SLC24A2: variants seen among roughly 807,000 people sequenced by gnomAD.
SLC24A2 encodes solute carrier family 24 member 2.
A neutral mutation model predicts 62.0 loss-of-function variants in SLC24A2; 36 were observed. The observed-to-expected ratio is 0.58, with a 90% CI of 0.44 to 0.77. The LOEUF (loss-of-function observed/expected upper bound fraction) is 0.77. Ranked by LOEUF, SLC24A2 falls within the 30% of genes least tolerant of loss-of-function variation. The pLI is 0.00. For missense variants in SLC24A2, 846 were observed against 817.9 expected (o/e 1.03, Z -0.42); for synonymous variants, 358 against 294.0 (o/e 1.22, Z -2.23).
At chr9:20,093,091 G>C in the SLC24A2 span, among the ~76,000 whole-genome samples, 1 of 150,686 alleles carries the variant, frequency 6.6e-6, no homozygotes, top group South Asian at 2.1e-4. Context: ...GTTTTTTTTA[G>C]ACCGAGTTTC....
At chr9:19,540,586 G>T (rs1834202503) in intron 8 of SLC24A2, among the ~76,000 whole-genome samples, 1 of 147,422 alleles carries the variant, frequency 6.8e-6, no homozygotes. Flanking sequence ...CTGTTAGTCT[G>T]ATGGGCTTTC....
At chr9:20,112,953 G>A in the SLC24A2 span, among the ~76,000 whole-genome samples, 34 of 152,022 alleles carry the variant, frequency 2.2e-4, no homozygotes, top group Admixed American at 1.6e-3. Flanking sequence ...CACGGTTAGG[G>A]CTGGAAAAAA....
At chr9:19,958,896 T>C in the SLC24A2 span, among the ~76,000 whole-genome samples, 1 of 152,226 alleles carries the variant, frequency 6.6e-6, no homozygotes, top group Admixed American at 6.5e-5. Flanking sequence ...ACCATCATTT[T>C]TGAGGCCCTG....
At chr9:19,830,479 T>A in the SLC24A2 span, among the ~76,000 whole-genome samples, 3 of 152,192 alleles carry the variant, frequency 2.0e-5, 1 homozygote, top group Admixed American at 6.5e-5. Context: ...AAGCTGACTC[T>A]TAGAAAGGTT....
At position 19,611,296 on chromosome 9, in the gene SLC24A2, G is replaced by C. The variant is rs140102614; in HGVS notation, c.1078+8288C>G. Among the ~76,000 whole-genome samples the C allele has an allele frequency of 4.8e-4, 72 of 150,710 alleles. 1 individual carries two copies. The highest frequency in any genetic ancestry group is 1.7e-3 in the African/African-American group (71 of 41,024). ...GTGAGAGAAAAGAGAGAAGGGTAGA[G>C]AAATGAGGAGACAGGAAGGAGGGGA... On this transcript the variant is annotated intron_variant, in intron 4 of 10. Transcript: ENST00000341998.
At chr9:19,799,442 T>C in the SLC24A2 span, among the ~76,000 whole-genome samples, 1 of 152,228 alleles carries the variant, frequency 6.6e-6, no homozygotes, top group Non-Finnish European at 1.5e-5. Flanking sequence ...TATTGTGTCC[T>C]TTACTCACTC....
the SLC24A2 span, among the ~76,000 whole-genome samples, chr9:20,103,163 C>T: frequency 2.6e-5 from 4 of 152,324 alleles, no homozygotes; most frequent in African/African-American, 7.2e-5. Context: ...CCACCATTGC[C>T]CAGGCTTGCT....
At chr9:20,202,182 A>G in the SLC24A2 span, among the ~76,000 whole-genome samples, 1 of 152,138 alleles carries the variant, frequency 6.6e-6, no homozygotes, top group African/African-American at 2.4e-5. Flanking sequence ...TACTAGCAGC[A>G]GTCATGGTCC....
chr9:19,895,346 A>G, the SLC24A2 span, among the ~76,000 whole-genome samples: 1 of 152,054 alleles, frequency 6.6e-6, no homozygotes, highest in Non-Finnish European at 1.5e-5. Context: ...GCCTTTCTGA[A>G]CCTAATGCAC....
chr9:20,191,813 GA>G, the SLC24A2 span, among the ~76,000 whole-genome samples: 1 of 151,906 alleles, frequency 6.6e-6, no homozygotes, highest in East Asian at 1.9e-4. Context: ...AATTTGAAGT[GA>G]AAAAAAGAGT....
intron 2 of SLC24A2, among the ~76,000 whole-genome samples, chr9:19,715,863 G>T (rs931177806): frequency 1.3e-5 from 2 of 152,138 alleles, no homozygotes; most frequent in African/African-American, 4.8e-5. Context: ...TTTCTAATTT[G>T]CTCTTCCAAA....
chr9:20,115,670 G>A, the SLC24A2 span, among the ~76,000 whole-genome samples: 1 of 152,082 alleles, frequency 6.6e-6, no homozygotes, highest in South Asian at 2.1e-4. Context: ...CCAACAAAAG[G>A]ATCTGCCGGT....
In SLC24A2 at chr9:19,786,626, C is replaced by T. The variant is rs559651080; in HGVS notation, c.241G>A (p.Gly81Ser). The T allele has an allele frequency of 1.9e-6, 3 of 1,614,058 alleles. No individual in the cohort carries two copies. The Admixed American group carries it at 5.0e-5, about 27-fold the overall frequency. Residue 81 changes from glycine to serine, a missense_variant, in exon 2 of 11, where the codon GGT (glycine) becomes AGT (serine). By Grantham distance (56) the Gly-to-Ser change is moderately conservative. Transcript: ENST00000341998. The surrounding 1 kb of genome is among the most constrained non-coding windows in gnomAD (Gnocchi z 5.0). ...SVVSGPRVAQ[G>S]YHQRTLLDLN... Reference sequence around the variant, plus strand: ...TCTAAGAGAGTTCTCTGATGGTAACCCTGTGCTACCCTAGGGCCACTTACA... The same window carrying T: ...TCTAAGAGAGTTCTCTGATGGTAACTCTGTGCTACCCTAGGGCCACTTACA...
At chr9:20,117,813 G>C in the SLC24A2 span, among the ~76,000 whole-genome samples, 2 of 152,164 alleles carry the variant, frequency 1.3e-5, no homozygotes, top group East Asian at 3.9e-4. Flanking sequence ...CATTATACAT[G>C]AATTACCTCA....
the SLC24A2 span, among the ~76,000 whole-genome samples, chr9:19,866,259 A>T: frequency 6.6e-6 from 1 of 152,244 alleles, no homozygotes; most frequent in African/African-American, 2.4e-5. Flanking sequence ...TGCGAATGTA[A>T]ATTAGTACAG....
At chr9:19,617,215 G>A (rs4977306) in intron 4 of SLC24A2, among the ~76,000 whole-genome samples, 111,805 of 151,990 alleles carry the variant, frequency 0.74, 41,232 homozygotes, top group East Asian at 0.87. Flanking sequence ...TGCACAGTTC[G>A]CAATAGGGTT....
chr9:19,731,241 C>G (rs1046323043), intron 2 of SLC24A2, among the ~76,000 whole-genome samples: 10 of 152,148 alleles, frequency 6.6e-5, no homozygotes, highest in African/African-American at 2.4e-4. Context: ...TCATAAACTA[C>G]TAGTATAACT....
At chr9:19,600,838 G>C (rs1165480522) in intron 4 of SLC24A2, among the ~76,000 whole-genome samples, 1 of 152,072 alleles carries the variant, frequency 6.6e-6, no homozygotes, top group African/African-American at 2.4e-5. Flanking sequence ...AGGTGGGCTG[G>C]GGAGGGGGAG....
intron 7 of SLC24A2, among the ~76,000 whole-genome samples, chr9:19,565,592 C>CT (rs1468215434): frequency 6.6e-6 from 1 of 152,042 alleles, no homozygotes; most frequent in African/African-American, 2.4e-5. Context: ...CAATGAATAA[C>CT]TTTTTTCACA....
Sources: gnomAD v4.1 joint callset for allele counts (sites outside exome capture counted in the v4.1 genomes callset) on GRCh38, gnomAD v4.1.1 for gene constraint, Gnocchi (gnomAD v3.1) non-coding constraint, MANE v1.5 for transcripts, NCBI Gene and HGNC (gene_info 2026-07-23, HGNC 2026-07-21) for gene names.